The following NKAIN2 variants were observed in gnomAD, a reference collection of about 807,000 sequenced individuals.
NKAIN2 encodes sodium/potassium-transporting ATPase subunit beta-1-interacting protein 2.
A neutral mutation model predicts 32.6 loss-of-function variants in NKAIN2; 14 were observed. The observed-to-expected ratio is 0.43, with a 90% CI of 0.28 to 0.67. NKAIN2 has a LOEUF of 0.67. NKAIN2 is among the 30% of genes least tolerant of loss of function. NKAIN2 has a pLI of 0.17. For synonymous variants in NKAIN2, 80 were observed against 87.2 expected, an observed-to-expected ratio of 0.92 and a Z score of 0.46; for missense variants, 198 against 258.3, an observed-to-expected ratio of 0.77 and a Z score of 1.60.
chr6:124,187,968 T>C (rs1789826035), intron 1 of NKAIN2, among the ~76,000 whole-genome samples: 1 of 152,206 alleles, frequency 6.6e-6, no homozygotes, highest in Non-Finnish European at 1.5e-5. Context: ...AAATTGTGTA[T>C]TTTTGCCTGT....
chr6:124,230,979 C>T (rs963511828), intron 1 of NKAIN2, among the ~76,000 whole-genome samples: 3 of 152,198 alleles, frequency 2.0e-5, no homozygotes, highest in African/African-American at 7.2e-5. Flanking sequence ...TTGCGCTCTG[C>T]ATCTGGAAAA....
At chr6:124,126,719 G>A (rs1327036101) in intron 1 of NKAIN2, among the ~76,000 whole-genome samples, 1 of 152,160 alleles carries the variant, frequency 6.6e-6, no homozygotes, top group African/African-American at 2.4e-5. Context: ...CCCAGTCTGG[G>A]CAACACAGTG....
intron 5 of NKAIN2, among the ~76,000 whole-genome samples, chr6:124,817,162 C>T (rs147107897): frequency 2.6e-5 from 4 of 152,100 alleles, no homozygotes; most frequent in Non-Finnish European, 4.4e-5. Context: ...AGCCCACAGG[C>T]TACATGCAGC....
rs1341378996 is a variant in NKAIN2 at position 124,658,312 on chromosome 6, A to G, written c.400A>G (p.Ile134Val). ...PDWAPEDHRY[I>V]TVSGCLLEYQ... ...CTGGGCCCCAGAAGACCATCGCTAC[A>G]TCACGGTCTCAGGGTGTTTGCTGGA... The change falls in exon 4 of 7, where the codon ATC becomes GTC. Residue 134 changes from isoleucine to valine, a missense_variant. Transcript: ENST00000368417. 3.7e-6 allele frequency: 6 copies of G among 1,614,018 alleles called. No homozygotes were observed. The highest frequency in any genetic ancestry group is 4.5e-5 in the East Asian group (2 of 44,884).
At chr6:124,201,081 T>G (rs1790567082) in intron 1 of NKAIN2, among the ~76,000 whole-genome samples, 1 of 152,084 alleles carries the variant, frequency 6.6e-6, no homozygotes, top group Admixed American at 6.6e-5. Context: ...TACTTCCATA[T>G]CTAATGTATA....
At chr6:124,121,533 GAAGAT>G (rs1180149904) in intron 1 of NKAIN2, among the ~76,000 whole-genome samples, 1 of 151,922 alleles carries the variant, frequency 6.6e-6, no homozygotes, top group African/African-American at 2.4e-5. Flanking sequence ...TTTTCAGAAA[GAAGAT>G]AAGCATATCA....
At chr6:124,009,194 G>C (rs988972175) in intron 1 of NKAIN2, among the ~76,000 whole-genome samples, 4 of 152,028 alleles carry the variant, frequency 2.6e-5, no homozygotes, top group Admixed American at 6.6e-5. Context: ...TTCATTAGGA[G>C]GGCTGTCTCT....
chr6:124,491,256 G>A (rs1777853240), intron 3 of NKAIN2, among the ~76,000 whole-genome samples: 1 of 151,834 alleles, frequency 6.6e-6, no homozygotes, highest in African/African-American at 2.4e-5. Flanking sequence ...TGGTAAGGAA[G>A]GGATTAGAAC....
At chr6:123,962,599 T>G (rs955372874) in intron 1 of NKAIN2, among the ~76,000 whole-genome samples, 6 of 152,188 alleles carry the variant, frequency 3.9e-5, no homozygotes, top group African/African-American at 1.4e-4. Context: ...TCACCGAATT[T>G]CACTTTTCTT....
chr6:124,300,711 G>A (rs78059970), intron 2 of NKAIN2, among the ~76,000 whole-genome samples: 5,312 of 152,242 alleles, frequency 0.035, 328 homozygotes, highest in African/African-American at 0.12. Context: ...GGAGGAGCTT[G>A]TTGGGAACTG....
intron 1 of NKAIN2, among the ~76,000 whole-genome samples, chr6:123,882,290 T>A (rs1216042810): frequency 6.6e-6 from 1 of 152,122 alleles, no homozygotes; most frequent in Non-Finnish European, 1.5e-5. Flanking sequence ...AAAAAATCAC[T>A]GCTTTAGATA....
intron 1 of NKAIN2, among the ~76,000 whole-genome samples, chr6:123,838,116 T>A (rs1226030324): frequency 2.6e-5 from 4 of 152,124 alleles, no homozygotes; most frequent in Non-Finnish European, 4.4e-5. Context: ...ACAATATTCT[T>A]AGAAAATATA....
At chr6:124,046,112 A>G (rs1782112337) in intron 1 of NKAIN2, among the ~76,000 whole-genome samples, 1 of 152,000 alleles carries the variant, frequency 6.6e-6, no homozygotes, top group African/African-American at 2.4e-5. Flanking sequence ...ATTTGAATTC[A>G]ATAGTAGCTT....
At chr6:124,184,306 C>T (rs1442959491) in intron 1 of NKAIN2, among the ~76,000 whole-genome samples, 2 of 151,904 alleles carry the variant, frequency 1.3e-5, no homozygotes, top group Non-Finnish European at 2.9e-5. Flanking sequence ...ATCTCAAGGG[C>T]TCCCAGACCA....
chr6:124,169,978 T>A (rs1158505568), intron 1 of NKAIN2, among the ~76,000 whole-genome samples: 1 of 152,120 alleles, frequency 6.6e-6, no homozygotes, highest in Non-Finnish European at 1.5e-5. Flanking sequence ...GGGGTTTTTA[T>A]TAAGAGTGTT....
intron 1 of NKAIN2, among the ~76,000 whole-genome samples, chr6:123,896,683 C>A (rs1198742669): frequency 6.6e-6 from 1 of 152,140 alleles, no homozygotes; most frequent in Non-Finnish European, 1.5e-5. Context: ...GTTTTGCAGG[C>A]TTCTTTTGTC....
chr6:124,436,088 G>C (rs969757517), intron 3 of NKAIN2, among the ~76,000 whole-genome samples: 6 of 152,088 alleles, frequency 3.9e-5, no homozygotes, highest in African/African-American at 1.2e-4. Flanking sequence ...TTTAATCCAC[G>C]TATCTTTGTC....
intron 4 of NKAIN2, among the ~76,000 whole-genome samples, chr6:124,745,967 T>G (rs1479616051): frequency 2.0e-5 from 3 of 151,898 alleles, no homozygotes; most frequent in Non-Finnish European, 4.4e-5. Flanking sequence ...ATGTTTCCAG[T>G]TTCAGGTATC....
intron 1 of NKAIN2, among the ~76,000 whole-genome samples, chr6:124,068,010 A>T (rs375269885): frequency 3.9e-5 from 6 of 152,204 alleles, no homozygotes; most frequent in Non-Finnish European, 7.3e-5. Context: ...CATGTAATCC[A>T]TAATATAACT....
Sources: gnomAD v4.1 joint callset for allele counts (sites outside exome capture counted in the v4.1 genomes callset) on GRCh38, gnomAD v4.1.1 for gene constraint, MANE v1.5 for transcripts, NCBI Gene and HGNC (gene_info 2026-07-23, HGNC 2026-07-21) for gene names.